POLR2H: variants seen among roughly 807,000 people sequenced by gnomAD.
POLR2H encodes DNA-directed RNA polymerases I, II, and III subunit RPABC3.
A neutral mutation model predicts 18.1 loss-of-function variants in POLR2H; 3 were observed. The observed-to-expected ratio is 0.17, with a 90% CI of 0.08 to 0.43. The LOEUF (loss-of-function observed/expected upper bound fraction) is 0.43, where lower values mean the gene tolerates loss of function less well. POLR2H is among the 20% of genes least tolerant of loss of function. POLR2H has a pLI of 0.99. For synonymous variants in POLR2H, 76 were observed against 69.0 expected (o/e 1.10, Z -0.50); for missense variants, 103 against 184.6 (o/e 0.56, Z 2.56).
Position 184,365,065 on chromosome 3 carries a change from A to C in POLR2H, c.157+16A>C. 1.3e-6 allele frequency: 2 copies of C among 1,578,424 alleles called. No homozygotes were observed. The highest frequency in any genetic ancestry group is 1.7e-6 in the Non-Finnish European group (2 of 1,147,500). Reference sequence around the variant, plus strand: ...GTAGACTTGGGTAAGTATTGAATACAGACAATAATAAGAGACTTTTTGCTG... The same window carrying C: ...GTAGACTTGGGTAAGTATTGAATACCGACAATAATAAGAGACTTTTTGCTG... On this transcript the variant is annotated intron_variant, in intron 3 of 5. Transcript: ENST00000456318.
rs533869501 is a variant in POLR2H at position 184,368,507 on chromosome 3, A to G, written c.*213A>G. 1 of 419,488 alleles carries G rather than the reference A, an allele frequency of 2.4e-6. No homozygotes were observed. The highest frequency in any genetic ancestry group is 4.2e-6 in the Non-Finnish European group (1 of 237,454). 26.0% of individuals were successfully genotyped at this position (419,488 alleles called of 1,614,324 possible). On this transcript the variant is annotated 3_prime_UTR_variant, in exon 6 of 6. Coordinates refer to ENST00000456318, the MANE Select transcript of POLR2H (RefSeq NM_006232.5). ...AAAATGAATCAGAAGCTTTATGTAT[A>G]TGATTTTTAAATTAAACTTTACTTT...
In POLR2H at chr3:184,368,183, G is replaced by C. The variant is rs202151346; in HGVS notation, c.342G>C (p.Ala114=). The change falls in exon 6 of 6, where the codon GCG becomes GCC. Residue 114 remains alanine (A), a synonymous_variant. Coordinates refer to ENST00000456318, the MANE Select transcript of POLR2H (RefSeq NM_006232.5). ...TSTEAATRLS[A]YVSYGGLLMR... is the part of the protein sequence containing the mutation. The stretch of plus-strand genomic sequence containing the variant: ...ATGGGGCCTTCTGTTTCAGCTCTGC[G>C]TACGTGTCCTATGGGGGCCTGCTCA... The C allele has an allele frequency of 5.6e-6, 9 of 1,613,984 alleles. No homozygotes were observed. In the East Asian group the frequency reaches 1.6e-4, roughly 28 times the overall value.
In POLR2H at chr3:184,363,338, C is replaced by T; in HGVS notation, c.-155C>T. On this transcript the variant is annotated 5_prime_UTR_variant, in exon 2 of 6. Transcript: ENST00000456318. ...GGCTGTGGCGGAAGTGGTCGCGTTA[C>T]CGCTTGTTTGTGCGCATGCGCCACT... The T allele has an allele frequency of 2.9e-6, 2 of 685,072 alleles. No individual in the cohort carries two copies. Among genetic ancestry groups the T allele is most frequent in the African/African-American group, 3.5e-5 (2 of 56,712 alleles). The allele number at this position is 685,072 out of a possible 1,614,324, so 42.4% of individuals were successfully genotyped here.
intron 4 of POLR2H, 52 bp downstream of exon 4, chr3:184,365,278 A>G: frequency 9.9e-7 from 1 of 1,010,252 alleles, no homozygotes; most frequent in Non-Finnish European, 1.6e-6. Flanking sequence ...GACTAAGTAG[A>G]TAAGTGATAT....
At chr3:184,364,481 G>C (rs2108597067) in intron 2 of POLR2H, 1 of 153,358 alleles carries the variant, frequency 6.5e-6, no homozygotes, top group Non-Finnish European at 1.5e-5. Context: ...ACCTGCCTCG[G>C]CCTCCCAAAA....
At chr3:184,366,458 C>T (rs1009719906) in intron 4 of POLR2H, 4 of 257,790 alleles carry the variant, frequency 1.6e-5, no homozygotes, top group African/African-American at 6.9e-5. Context: ...CTACCTCAGC[C>T]TCCTGAGTAG....
intron 5 of POLR2H, among the ~76,000 whole-genome samples, chr3:184,367,904 C>T (rs941120425): frequency 3.9e-5 from 6 of 152,114 alleles, no homozygotes; most frequent in Admixed American, 3.9e-4. Flanking sequence ...TTTCCACCCT[C>T]GATAATATAA....
intron 4 of POLR2H, 38 bp downstream of exon 4, chr3:184,365,264 T>A: frequency 1.7e-6 from 2 of 1,173,190 alleles, no homozygotes; most frequent in Non-Finnish European, 1.3e-6. Flanking sequence ...AAATATGCCT[T>A]GAGGACTAAG....
Position 184,363,588 on chromosome 3 carries a change from G to A in POLR2H, c.73+23G>A, listed in dbSNP as rs755374599. ...GAGGTAAGTAAGGTATGTAGGGGCG[G>A]TTTGGAGGAAGAGGCTAACCTCGCG... On this transcript the variant is annotated intron_variant, in intron 2 of 5. Transcript: ENST00000456318. 4 of 1,601,782 alleles carry A rather than the reference G, an allele frequency of 2.5e-6. No individual in the cohort carries two copies. The East Asian group carries it at 8.9e-5, about 36-fold the overall frequency.
intron 4 of POLR2H, chr3:184,365,573 A>G: frequency 3.6e-6 from 1 of 278,640 alleles, no homozygotes; most frequent in Non-Finnish European, 6.8e-6. Flanking sequence ...TGGGAGGCTG[A>G]GGTGGGAGGA....
chr3:184,365,504 G>GA, intron 4 of POLR2H: 1 of 337,460 alleles, frequency 3.0e-6, no homozygotes, highest in African/African-American at 2.2e-5. Flanking sequence ...CTACAAAAAA[G>GA]AAGAGAGAAA....
Position 184,363,417 on chromosome 3 carries a change from C to T in POLR2H, c.-76C>T. On this transcript the variant is annotated 5_prime_UTR_variant, in exon 2 of 6. Coordinates refer to ENST00000456318, the MANE Select transcript of POLR2H (RefSeq NM_006232.5). ...TGCTTTTGGTTCTCTCCGGTCTTGT[C>T]CACGCTAGGGGGTGCACGTACTCCC... 1 of 1,254,004 alleles carries T rather than the reference C, an allele frequency of 8.0e-7. No homozygotes were observed. The highest frequency in any genetic ancestry group is 1.2e-6 in the Non-Finnish European group (1 of 859,942). 77.7% of individuals were successfully genotyped at this position (1,254,004 alleles called of 1,614,324 possible). A position where few individuals can be genotyped will look rare whatever the true frequency, so the allele number is the denominator to read the frequency against.
chr3:184,364,454 C>G (rs1712885750), intron 2 of POLR2H: 4 of 152,818 alleles, frequency 2.6e-5, no homozygotes, highest in Admixed American at 1.3e-4. Flanking sequence ...TCTCAAACTC[C>G]TGATCTCAAA....
rs1712983427 is a variant in POLR2H at position 184,364,961 on chromosome 3, C to T, written c.74-5C>T. 3 of 1,601,714 alleles carry T rather than the reference C, an allele frequency of 1.9e-6. No individual in the cohort carries two copies. Among genetic ancestry groups the T allele is most frequent in the African/African-American group, 2.7e-5 (2 of 74,816 alleles). Reference sequence around the variant, plus strand: ...CTCTGTCACTCTTTTCCTGCTTCTCCCCAGTGTCTCGACTGCATTGTGAGA... The same window carrying T: ...CTCTGTCACTCTTTTCCTGCTTCTCTCCAGTGTCTCGACTGCATTGTGAGA... On this transcript the variant is annotated splice_region_variant and splice_polypyrimidine_tract_variant and intron_variant, in intron 2 of 5. Transcript: ENST00000456318.
rs1027725003 is a variant in POLR2H, at chr3:184,363,393, G to T, written c.-100G>T. The stretch of plus-strand genomic sequence containing the variant: ...TCTGGCCGCCGCGCTTTCAGGAGGT[G>T]CTTTTGGTTCTCTCCGGTCTTGTCC... On this transcript the variant is annotated 5_prime_UTR_variant, in exon 2 of 6. Transcript: ENST00000456318. 1 of 998,072 alleles carries T rather than the reference G, an allele frequency of 1.0e-6. No homozygotes were observed. The highest frequency in any genetic ancestry group is 1.6e-6 in the Non-Finnish European group (1 of 635,126). 61.8% of individuals were successfully genotyped at this position (998,072 alleles called of 1,614,324 possible).
chr3:184,365,367 A>C, intron 4 of POLR2H, 141 bp downstream of exon 4: 1 of 697,948 alleles, frequency 1.4e-6, no homozygotes, highest in South Asian at 1.7e-5. Flanking sequence ...TCTGCACTTA[A>C]GAATTCAAAC....
chr3:184,365,125 A>AT lies in POLR2H; in HGVS notation c.158-4dup. 6.2e-7 allele frequency: 1 copy of AT among 1,607,878 alleles called. No individual in the cohort carries two copies. The highest frequency in any genetic ancestry group is 1.1e-5 in the South Asian group (1 of 90,960). On this transcript the variant is annotated splice_region_variant and splice_polypyrimidine_tract_variant and intron_variant, in intron 3 of 5. Transcript: ENST00000456318. The stretch of plus-strand genomic sequence containing the variant: ...TTCTTTACTCTCTGATATTGCTGTT[A>AT]TTTTCAGGTGACAAGTTTCGGTTGG...
At position 184,361,714 on chromosome 3, in the gene POLR2H, G is replaced by A; in HGVS notation, c.-1053G>A. The A allele has an allele frequency of 4.8e-6, 1 of 206,348 alleles. No individual in the cohort carries two copies. The highest frequency in any genetic ancestry group is 1.3e-4 in the East Asian group (1 of 7,912). 12.8% of individuals were successfully genotyped at this position (206,348 alleles called of 1,614,324 possible). ...CGCTGCTCCGCCCGCCGGCCCATCC[G>A]GAGGGGACGGCCCAGCCAGGCTGGG... On this transcript the variant is annotated 5_prime_UTR_variant, in exon 1 of 6. Coordinates refer to ENST00000456318, the MANE Select transcript of POLR2H (RefSeq NM_006232.5). The surrounding 1 kb of genome is among the most constrained non-coding windows in gnomAD (Gnocchi z 6.6).
chr3:184,363,239 T>A lies in POLR2H; in HGVS notation c.-254T>A, dbSNP rs759173099. 1.8e-6 allele frequency: 1 copy of A among 552,488 alleles called. No individual in the cohort carries two copies. The highest frequency in any genetic ancestry group is 3.3e-6 in the Non-Finnish European group (1 of 304,342). 34.2% of individuals were successfully genotyped at this position (552,488 alleles called of 1,614,324 possible). On this transcript the variant is annotated 5_prime_UTR_variant, in exon 2 of 6. An upstream start codon of the reference 5' UTR is lost. Transcript: ENST00000456318. ...CGCCCTGGGCAGAGCCACCTGGACA[T>A]GAGACCCGCCCTCAATGCCGAAGCC...
Sources: gnomAD v4.1 joint callset for allele counts (sites outside exome capture counted in the v4.1 genomes callset) on GRCh38, gnomAD v4.1.1 for gene constraint, Gnocchi (gnomAD v3.1) non-coding constraint, MANE v1.5 for transcripts, NCBI Gene and HGNC (gene_info 2026-07-23, HGNC 2026-07-21) for gene names.